ERC1: variants seen among roughly 807,000 people sequenced by gnomAD.
The protein encoded by ERC1 is ELKS/RAB6-interacting/CAST family member 1, also known as RAB6 interacting protein 2.
Under a neutral mutation model 132.0 loss-of-function variants are expected in ERC1, and 56 were observed. That is an observed-to-expected ratio of 0.42 (90% CI 0.34 to 0.53). ERC1 has a LOEUF of 0.53. Ranked by LOEUF, ERC1 falls within the 20% of genes least tolerant of loss-of-function variation. The pLI is 0.03. For missense variants in ERC1, 1,202 were observed against 1,349.9 expected, an observed-to-expected ratio of 0.89 and a Z score of 1.72; for synonymous variants, 478 against 476.1, an observed-to-expected ratio of 1.00 and a Z score of -0.05.
At chr12:1,363,024 A>G (rs2086280382) in intron 15 of ERC1, among the ~76,000 whole-genome samples, 1 of 152,176 alleles carries the variant, frequency 6.6e-6, no homozygotes, top group Non-Finnish European at 1.5e-5. Context: ...TTAGACATAC[A>G]TTTTGGTGAG....
At chr12:1,378,011 A>AT (rs2088150959) in intron 16 of ERC1, among the ~76,000 whole-genome samples, 1 of 152,180 alleles carries the variant, frequency 6.6e-6, no homozygotes, top group African/African-American at 2.4e-5. Context: ...TTTATTATTA[A>AT]TTCTTCTCTA....
chr12:1,378,635 A>G (rs1407830443), intron 16 of ERC1, among the ~76,000 whole-genome samples: 1 of 152,174 alleles, frequency 6.6e-6, no homozygotes, highest in Non-Finnish European at 1.5e-5. Flanking sequence ...TCAAGTTGCC[A>G]TTATTCTGTA....
In ERC1 at chr12:1,101,751, A is replaced by T. The variant is rs141125700; in HGVS notation, c.1087-2999A>T. On this transcript the variant is annotated intron_variant, in intron 3 of 18. Transcript: ENST00000360905. Reference sequence around the variant, plus strand: ...GAATGCCTGCCACGGTGCGAGATAAATAGATTTTGTGGGGTATACGTGTAA... The same window carrying T: ...GAATGCCTGCCACGGTGCGAGATAATTAGATTTTGTGGGGTATACGTGTAA... Among the ~76,000 whole-genome samples the T allele has an allele frequency of 4.9e-3, 748 of 152,276 alleles. 5 individuals carry two copies. Among genetic ancestry groups the T allele is most frequent in the African/African-American group, 0.016 (675 of 41,536 alleles).
chr12:1,081,792 A>G (rs1230986447), intron 2 of ERC1, among the ~76,000 whole-genome samples: 1 of 152,188 alleles, frequency 6.6e-6, no homozygotes, highest in East Asian at 1.9e-4. Context: ...TTGTACCTGT[A>G]GTCAGCAGTA....
At chr12:1,415,891 G>A (rs2092095240) in intron 17 of ERC1, among the ~76,000 whole-genome samples, 1 of 152,174 alleles carries the variant, frequency 6.6e-6, no homozygotes, top group African/African-American at 2.4e-5. Context: ...GGGAGAAAAT[G>A]AACATTTATT....
intron 15 of ERC1, among the ~76,000 whole-genome samples, chr12:1,335,212 C>G (rs1042965382): frequency 5.9e-5 from 9 of 151,984 alleles, no homozygotes; most frequent in African/African-American, 1.7e-4. Flanking sequence ...ATTTGGATAC[C>G]CTTTATTTCT....
At chr12:1,348,587 G>A (rs2084703082) in intron 15 of ERC1, among the ~76,000 whole-genome samples, 1 of 152,062 alleles carries the variant, frequency 6.6e-6, no homozygotes, top group African/African-American at 2.4e-5. Context: ...CAATTACTCG[G>A]GAGGCTGAGG....
chr12:1,341,545 G>A (rs745544981), intron 15 of ERC1, among the ~76,000 whole-genome samples: 14 of 151,190 alleles, frequency 9.3e-5, no homozygotes, highest in Non-Finnish European at 1.5e-4. Context: ...ATCATTCTCA[G>A]CAAATTATCA....
At chr12:1,027,168 A>G (rs1294419876) in intron 1 of ERC1, among the ~76,000 whole-genome samples, 1 of 152,198 alleles carries the variant, frequency 6.6e-6, no homozygotes, top group Non-Finnish European at 1.5e-5. Context: ...GGGATTTAAA[A>G]TTTCCTTTAA....
intron 15 of ERC1, among the ~76,000 whole-genome samples, chr12:1,328,102 T>C (rs1307707116): frequency 6.6e-6 from 1 of 152,196 alleles, no homozygotes; most frequent in Non-Finnish European, 1.5e-5. Context: ...AGTCCTTTTC[T>C]TCTGCTTCTT....
At chr12:1,419,779 T>C (rs1479743520) in intron 17 of ERC1, among the ~76,000 whole-genome samples, 1 of 151,776 alleles carries the variant, frequency 6.6e-6, no homozygotes, top group Non-Finnish European at 1.5e-5. Context: ...TTCAAATGGT[T>C]AAGATGGTGA....
intron 2 of ERC1, among the ~76,000 whole-genome samples, chr12:1,078,859 A>G (rs1941752705): frequency 6.6e-6 from 1 of 152,020 alleles, no homozygotes; most frequent in Admixed American, 6.5e-5. Context: ...ATGATTTGTA[A>G]TATGACAAAA....
chr12:1,108,277 G>T (rs925953442), intron 4 of ERC1, among the ~76,000 whole-genome samples: 3 of 152,154 alleles, frequency 2.0e-5, no homozygotes, highest in African/African-American at 7.2e-5. Flanking sequence ...CTTTGTCTGT[G>T]TTTAGGGTAG....
At chr12:1,186,404 G>A (rs1955099776) in intron 11 of ERC1, among the ~76,000 whole-genome samples, 1 of 152,198 alleles carries the variant, frequency 6.6e-6, no homozygotes, top group Non-Finnish European at 1.5e-5. Context: ...TATGAGTACT[G>A]AGGTTTTAAT....
At chr12:1,199,800 G>C (rs545145782) in intron 12 of ERC1, among the ~76,000 whole-genome samples, 1 of 151,352 alleles carries the variant, frequency 6.6e-6, no homozygotes, top group Admixed American at 6.6e-5. Context: ...AAAAAAAAAA[G>C]TTATGTGATC....
chr12:1,149,831 A>T (rs1389133416), intron 8 of ERC1, among the ~76,000 whole-genome samples: 1 of 152,180 alleles, frequency 6.6e-6, no homozygotes, highest in Admixed American at 6.5e-5. Flanking sequence ...CTTCAGATTG[A>T]ATATTATTAT....
intron 8 of ERC1, among the ~76,000 whole-genome samples, chr12:1,175,348 G>A (rs61914302): frequency 6.6e-6 from 1 of 152,010 alleles, no homozygotes; most frequent in Non-Finnish European, 1.5e-5. Context: ...TTCAAAATTA[G>A]AGTCAATCCT....
chr12:1,110,124 TATC>T, intron 4 of ERC1, 65 bp from the exon 5 acceptor site: 2 of 1,302,622 alleles, frequency 1.5e-6, no homozygotes, highest in Non-Finnish European at 1.1e-6. Context: ...CTTCTTTAAA[TATC>T]ATGTTATTCA....
chr12:1,403,468 G>A (rs1186080598), intron 16 of ERC1, among the ~76,000 whole-genome samples: 2 of 152,186 alleles, frequency 1.3e-5, no homozygotes, highest in South Asian at 2.1e-4. Flanking sequence ...TCTGTGAGCT[G>A]TCAGATATTT....
Sources: gnomAD v4.1 joint callset for allele counts (sites outside exome capture counted in the v4.1 genomes callset) on GRCh38, gnomAD v4.1.1 for gene constraint, MANE v1.5 for transcripts, NCBI Gene and HGNC (gene_info 2026-07-23, HGNC 2026-07-21) for gene names.